Variants in RGS7 observed in about 807,000 individuals in gnomAD.
RGS7 encodes the protein regulator of G-protein signaling 7.
A neutral mutation model predicts 81.1 loss-of-function variants in RGS7; 27 were observed. That is an observed-to-expected ratio of 0.33 (90% confidence interval 0.25 to 0.46). The LOEUF is 0.46. RGS7 is among the 20% of genes least tolerant of loss of function. The pLI, the probability that RGS7 is intolerant of heterozygous loss-of-function variation, is 1.00. For missense variants in RGS7, 396 were observed against 607.4 expected (o/e 0.65, Z 3.66); for synonymous variants, 208 against 207.7 (o/e 1.00, Z -0.01).
intron 6 of RGS7, among the ~76,000 whole-genome samples, chr1:240,910,847 T>G (rs2148248252): frequency 6.6e-6 from 1 of 152,092 alleles, no homozygotes; most frequent in East Asian, 1.9e-4. Flanking sequence ...GCCTCCCAAG[T>G]TCCTGGAATT....
Position 241,279,660 on chromosome 1 carries a change from A to G in RGS7, c.78+76039T>C, listed in dbSNP as rs527865482. Among the ~76,000 whole-genome samples, 7 of 152,294 alleles carry G rather than the reference A, an allele frequency of 4.6e-5. No individual in the cohort carries two copies. The South Asian group carries it at 1.4e-3, about 32-fold the overall frequency. On this transcript the variant is annotated intron_variant, in intron 2 of 18. Coordinates refer to ENST00000440928, the MANE Select transcript of RGS7 (RefSeq NM_001364886.1). Reference sequence around the variant, plus strand: ...TTGGCATAGTGAAGAGAATTTTTCCATTACTACAAAGATCCCATTTATTGC... The same window carrying G: ...TTGGCATAGTGAAGAGAATTTTTCCGTTACTACAAAGATCCCATTTATTGC...
intron 2 of RGS7, among the ~76,000 whole-genome samples, chr1:241,160,512 G>C (rs1252228568): frequency 6.6e-6 from 1 of 151,798 alleles, no homozygotes; most frequent in Non-Finnish European, 1.5e-5. Context: ...ATCAAGAACT[G>C]GACTCATCCC....
chr1:240,870,161 C>T, intron 6 of RGS7, 42 bp from the exon 7 acceptor site: 1 of 1,529,592 alleles, frequency 6.5e-7, no homozygotes, highest in Admixed American at 1.7e-5. Flanking sequence ...TTATCAACAC[C>T]ATGGCACTAT....
intron 2 of RGS7, among the ~76,000 whole-genome samples, chr1:241,113,310 G>A (rs924360944): frequency 2.6e-5 from 4 of 152,000 alleles, no homozygotes; most frequent in African/African-American, 9.7e-5. Context: ...GCTAGAACAC[G>A]AACATCAGAA....
chr1:240,958,360 C>A (rs541240148), intron 4 of RGS7, among the ~76,000 whole-genome samples: 1 of 152,298 alleles, frequency 6.6e-6, no homozygotes, highest in Admixed American at 6.5e-5. Flanking sequence ...AGATCATTCT[C>A]CAAATCTGGA....
At chr1:241,175,788 A>G (rs7517749) in intron 2 of RGS7, among the ~76,000 whole-genome samples, 71,548 of 151,904 alleles carry the variant, frequency 0.47, 17,062 homozygotes, top group Middle Eastern at 0.53. Context: ...CAATAGTTGG[A>G]GAGGAGGAAA....
intron 3 of RGS7, among the ~76,000 whole-genome samples, chr1:240,989,849 G>C (rs1452711737): frequency 6.6e-6 from 1 of 152,138 alleles, no homozygotes; most frequent in East Asian, 1.9e-4. Flanking sequence ...TTTGCAAAAA[G>C]GTACCCAGAA....
intron 3 of RGS7, among the ~76,000 whole-genome samples, chr1:241,061,410 T>C (rs984157118): frequency 5.9e-5 from 9 of 152,192 alleles, no homozygotes; most frequent in African/African-American, 2.2e-4. Flanking sequence ...ACAGAATTGA[T>C]ATAAAAAACC....
chr1:240,789,511 C>A (rs1006156581), intron 18 of RGS7, among the ~76,000 whole-genome samples: 3 of 152,192 alleles, frequency 2.0e-5, no homozygotes, highest in African/African-American at 7.2e-5. Flanking sequence ...AATTCTTTTT[C>A]TCAGCAAGGA....
intron 9 of RGS7, among the ~76,000 whole-genome samples, chr1:240,855,685 A>C (rs906007944): frequency 3.9e-5 from 6 of 152,094 alleles, no homozygotes; most frequent in Non-Finnish European, 7.4e-5. Flanking sequence ...AATGTTAGCT[A>C]CCCTATGTTT....
chr1:241,007,994 A>G (rs2148653431), intron 3 of RGS7, among the ~76,000 whole-genome samples: 1 of 152,244 alleles, frequency 6.6e-6, no homozygotes, highest in Admixed American at 6.5e-5. Context: ...AAGAATGAGG[A>G]CATTTAAAAG....
intron 2 of RGS7, among the ~76,000 whole-genome samples, chr1:241,230,751 G>C (rs140867310): frequency 1.3e-5 from 2 of 152,178 alleles, no homozygotes; most frequent in African/African-American, 4.8e-5. Context: ...TCCTAGGACC[G>C]TGAGTACAGC....
At chr1:241,131,315 T>G (rs1158671706) in intron 2 of RGS7, among the ~76,000 whole-genome samples, 2 of 152,214 alleles carry the variant, frequency 1.3e-5, no homozygotes, top group East Asian at 3.8e-4. Flanking sequence ...GATGAGGATG[T>G]TATTTCACTC....
At chr1:241,101,121 T>C (rs558975079) in intron 2 of RGS7, among the ~76,000 whole-genome samples, 5 of 152,352 alleles carry the variant, frequency 3.3e-5, no homozygotes, top group African/African-American at 1.2e-4. Flanking sequence ...AATACCTTTA[T>C]CAGCAATCAG....
At chr1:241,308,783 G>C (rs1179243145) in intron 2 of RGS7, among the ~76,000 whole-genome samples, 1 of 152,058 alleles carries the variant, frequency 6.6e-6, no homozygotes, top group African/African-American at 2.4e-5. Flanking sequence ...AAAGACACTT[G>C]GTTCAGCAAA....
chr1:240,965,632 C>G (rs1043659359), intron 4 of RGS7, among the ~76,000 whole-genome samples: 1 of 152,120 alleles, frequency 6.6e-6, no homozygotes. Flanking sequence ...GTGGAGGGGC[C>G]GTCAGCTGCC....
intron 2 of RGS7, among the ~76,000 whole-genome samples, chr1:241,157,966 G>A (rs369871408): frequency 9.3e-5 from 14 of 151,344 alleles, no homozygotes; most frequent in East Asian, 3.9e-4. Context: ...ACAGGCGCCC[G>A]CCACCACGCC....
At chr1:241,230,688 A>G (rs984474137) in intron 2 of RGS7, among the ~76,000 whole-genome samples, 15 of 147,794 alleles carry the variant, frequency 1.0e-4, no homozygotes, top group African/African-American at 3.6e-4. Context: ...GACGCAGGGA[A>G]AGAGAGGACA....
intron 2 of RGS7, among the ~76,000 whole-genome samples, chr1:241,228,382 T>A (rs897415937): frequency 1.3e-5 from 2 of 151,942 alleles, no homozygotes; most frequent in Non-Finnish European, 2.9e-5. Flanking sequence ...CAAAATCACA[T>A]AAATATAGAT....
Sources: gnomAD v4.1 joint callset for allele counts (sites outside exome capture counted in the v4.1 genomes callset) on GRCh38, gnomAD v4.1.1 for gene constraint, MANE v1.5 for transcripts, NCBI Gene and HGNC (gene_info 2026-07-23, HGNC 2026-07-21) for gene names.